KCTD8: variants seen among roughly 807,000 people sequenced by gnomAD.
The protein encoded by KCTD8 is BTB/POZ domain-containing protein KCTD8.
A neutral mutation model predicts 31.5 loss-of-function variants in KCTD8; 27 were observed. That is an observed-to-expected ratio of 0.86 (90% confidence interval 0.63 to 1.18). The LOEUF (loss-of-function observed/expected upper bound fraction) is 1.18, where lower values mean the gene tolerates loss of function less well. KCTD8 is among the 50% of genes most tolerant of loss of function. The pLI is 0.00. For missense variants in KCTD8, 658 were observed against 647.7 expected (o/e 1.02, Z -0.17); for synonymous variants, 290 against 280.0 (o/e 1.04, Z -0.36).
At chr4:44,314,852 T>G (rs1397584781) in intron 1 of KCTD8, among the ~76,000 whole-genome samples, 3 of 150,732 alleles carry the variant, frequency 2.0e-5, no homozygotes, top group African/African-American at 7.3e-5. Context: ...TAAATGTTTA[T>G]TATAGAAATA....
intron 1 of KCTD8, among the ~76,000 whole-genome samples, chr4:44,208,866 C>T (rs923059130): frequency 6.6e-6 from 1 of 152,018 alleles, no homozygotes; most frequent in Non-Finnish European, 1.5e-5. Context: ...ACTTGGTAAC[C>T]GGTATCCAGA....
intron 1 of KCTD8, among the ~76,000 whole-genome samples, chr4:44,391,348 T>G (rs966559838): frequency 4.0e-5 from 6 of 151,828 alleles, no homozygotes; most frequent in Non-Finnish European, 5.9e-5. Flanking sequence ...GTTATATCAA[T>G]TGTGCCCGCC....
rs371898997 is a variant in KCTD8 at position 44,257,058 on chromosome 4, C to T, written c.962-81808G>A. On this transcript the variant is annotated intron_variant, in intron 1 of 1. Coordinates refer to ENST00000360029, the MANE Select transcript of KCTD8 (RefSeq NM_198353.3). Reference sequence around the variant, plus strand: ...ATTTACATAACATTTTAAACAAAAACTGTGATTATAGAAAATGTAAATAGT... The same window carrying T: ...ATTTACATAACATTTTAAACAAAAATTGTGATTATAGAAAATGTAAATAGT... Among the ~76,000 whole-genome samples, 209 of 151,816 alleles carry T rather than the reference C, an allele frequency of 1.4e-3. 9 individuals are homozygous for T. The South Asian group carries it at 0.04, about 29-fold the overall frequency.
At chr4:44,274,767 C>T (rs952178483) in intron 1 of KCTD8, among the ~76,000 whole-genome samples, 1 of 151,718 alleles carries the variant, frequency 6.6e-6, no homozygotes, top group African/African-American at 2.4e-5. Flanking sequence ...CACCCTAATA[C>T]ATTGTATCTT....
intron 1 of KCTD8, among the ~76,000 whole-genome samples, chr4:44,178,532 A>T (rs1478437971): frequency 6.6e-6 from 1 of 152,128 alleles, no homozygotes; most frequent in Admixed American, 6.5e-5. Flanking sequence ...GCCCCCATCA[A>T]AGGAATCTAT....
chr4:44,410,795 A>G (rs777148237), intron 1 of KCTD8, among the ~76,000 whole-genome samples: 4 of 152,148 alleles, frequency 2.6e-5, no homozygotes, highest in Non-Finnish European at 5.9e-5. Flanking sequence ...TGCCCCCATG[A>G]TTCAATGACC....
chr4:44,387,881 TTAAGAGC>T (rs1720263537), intron 1 of KCTD8, among the ~76,000 whole-genome samples: 1 of 151,272 alleles, frequency 6.6e-6, no homozygotes, highest in African/African-American at 2.4e-5. Flanking sequence ...TTGAATAAAC[TTAAGAGC>T]TGCATGGCAA....
At chr4:44,390,528 C>T (rs1267910177) in intron 1 of KCTD8, among the ~76,000 whole-genome samples, 2 of 151,924 alleles carry the variant, frequency 1.3e-5, no homozygotes, top group African/African-American at 4.8e-5. Flanking sequence ...CAGTACCAGG[C>T]TGTTTTGGTG....
chr4:44,401,815 A>G (rs1720672505), intron 1 of KCTD8, among the ~76,000 whole-genome samples: 1 of 152,190 alleles, frequency 6.6e-6, no homozygotes, highest in Non-Finnish European at 1.5e-5. Context: ...ATTCCTTAAT[A>G]CTTTCTCTAA....
At chr4:44,228,201 A>G (rs201529412) in intron 1 of KCTD8, among the ~76,000 whole-genome samples, 1 of 152,178 alleles carries the variant, frequency 6.6e-6, no homozygotes, top group East Asian at 1.9e-4. Flanking sequence ...TTCTCGGGCT[A>G]GAATTCTGAG....
chr4:44,205,920 T>G (rs1302390075), intron 1 of KCTD8, among the ~76,000 whole-genome samples: 1 of 152,066 alleles, frequency 6.6e-6, no homozygotes, highest in Non-Finnish European at 1.5e-5. Context: ...CCTCTAAAGC[T>G]AATGGCATAG....
intron 1 of KCTD8, among the ~76,000 whole-genome samples, chr4:44,270,183 C>T (rs1299994050): frequency 1.3e-5 from 2 of 151,950 alleles, no homozygotes; most frequent in African/African-American, 2.4e-5. Context: ...AAATGTGGCA[C>T]ATATACACCA....
At chr4:44,414,310 C>T (rs148493823) in intron 1 of KCTD8, among the ~76,000 whole-genome samples, 7 of 152,098 alleles carry the variant, frequency 4.6e-5, no homozygotes, top group African/African-American at 7.2e-5. Context: ...CTCAGGCAGA[C>T]CTGATTGGGT....
chr4:44,403,890 A>G (rs1720724283), intron 1 of KCTD8, among the ~76,000 whole-genome samples: 1 of 152,082 alleles, frequency 6.6e-6, no homozygotes, highest in Non-Finnish European at 1.5e-5. Context: ...AAATGTTTTT[A>G]CAGTGTTTGT....
chr4:44,383,153 A>AT (rs1266784926), intron 1 of KCTD8, among the ~76,000 whole-genome samples: 12 of 151,950 alleles, frequency 7.9e-5, no homozygotes, highest in Non-Finnish European at 1.3e-4. Flanking sequence ...TAAAACGCTG[A>AT]TAAAAAAAAC....
At chr4:44,355,744 T>C (rs1400615525) in intron 1 of KCTD8, among the ~76,000 whole-genome samples, 3 of 152,142 alleles carry the variant, frequency 2.0e-5, no homozygotes. Flanking sequence ...GTCTCTATAT[T>C]GAGGGCATGG....
intron 1 of KCTD8, among the ~76,000 whole-genome samples, chr4:44,327,499 G>C (rs1718480442): frequency 6.6e-6 from 1 of 151,774 alleles, no homozygotes; most frequent in East Asian, 1.9e-4. Flanking sequence ...CTGGTTGCAA[G>C]AGTTTTTATA....
chr4:44,195,217 C>A (rs1337606366), intron 1 of KCTD8, among the ~76,000 whole-genome samples: 1 of 151,222 alleles, frequency 6.6e-6, no homozygotes, highest in Non-Finnish European at 1.5e-5. Context: ...ATTTATATAA[C>A]ATGGAACTAA....
intron 1 of KCTD8, among the ~76,000 whole-genome samples, chr4:44,364,276 T>C (rs964303894): frequency 1.3e-5 from 2 of 152,230 alleles, no homozygotes; most frequent in Admixed American, 1.3e-4. Context: ...ACAGTTAAAA[T>C]ATTTGAATAG....
Sources: allele counts gnomAD v4.1 joint callset (sites outside exome capture counted in the v4.1 genomes callset), GRCh38; gene constraint gnomAD v4.1.1; transcripts MANE v1.5; gene names NCBI Gene and HGNC (gene_info 2026-07-23, HGNC 2026-07-21).